Variants in HMCN2 observed in about 807,000 individuals in gnomAD.
HMCN2 encodes hemicentin 2.
In HMCN2, 325 loss-of-function variants were observed where a neutral mutation model predicts 377.5. The observed-to-expected ratio is 0.86, with a 90% confidence interval of 0.79 to 0.94. The LOEUF (loss-of-function observed/expected upper bound fraction) is 0.94. HMCN2 is among the 40% of genes least tolerant of loss of function. The pLI, the probability that HMCN2 is intolerant of heterozygous loss-of-function variation, is 0.00. For synonymous variants in HMCN2, 2,007 were observed against 2,046.8 expected (o/e 0.98, Z 0.53); for missense variants, 4,543 against 4,725.3 (o/e 0.96, Z 1.13).
At chr9:130,352,380 G>A (rs937294700) in intron 30 of HMCN2, among the ~76,000 whole-genome samples, 7 of 152,228 alleles carry the variant, frequency 4.6e-5, no homozygotes, top group South Asian at 2.1e-4. Context: ...GCTAAAAAGC[G>A]GAGAGTAGAA....
rs1005761004 is a variant in HMCN2, at chr9:130,403,317, A to G, written c.12002A>G (p.Asn4001Ser). 1.7e-5 allele frequency: 22 copies of G among 1,289,920 alleles called. No individual in the cohort carries two copies. The highest frequency in any genetic ancestry group is 2.2e-5 in the Non-Finnish European group (22 of 988,898). 79.9% of individuals were successfully genotyped at this position (1,289,920 alleles called of 1,614,324 possible). The part of the protein sequence containing the change: ...PTITWQKEGL[N>S]VATGVSTQVL... The stretch of plus-strand genomic sequence containing the variant: ...ATCACCTGGCAGAAGGAAGGGCTCA[A>G]CGTCGCTACTGGTGAGGGCCCCTGG... Residue 4001 changes from asparagine (N) to serine (S), a missense_variant, in exon 79 of 98, where the codon AAC becomes AGC. Physicochemically the swap from Asn to Ser is conservative, Grantham distance 46. This residue lies in a region of HMCN2 where 1,073 missense variants were observed against 1,319.5 expected (regional missense o/e 0.81). Transcript: ENST00000683500.
At chr9:130,429,310 CGGAACCCA>C in intron 93 of HMCN2, 1 of 550,376 alleles carries the variant, frequency 1.8e-6, no homozygotes, top group African/African-American at 1.9e-5. Context: ...GAGAGCTCAG[CGGAACCCA>C]GGACTCTGCC....
chr9:130,287,457 T>C (rs781841230), intron 4 of HMCN2, among the ~76,000 whole-genome samples: 18 of 148,296 alleles, frequency 1.2e-4, no homozygotes, highest in African/African-American at 1.5e-4. Flanking sequence ...CAATATTAAG[T>C]CTCCTATTGC....
Position 130,429,278 on chromosome 9 carries a change from C to T in HMCN2, c.14198-279C>T. 6.3e-6 allele frequency: 3 copies of T among 474,616 alleles called. No homozygotes were observed. In the South Asian group the frequency reaches 9.3e-5, roughly 15 times the overall value. The allele number at this position is 474,616 out of a possible 1,614,324, so 29.4% of individuals were successfully genotyped here. On this transcript the variant is annotated intron_variant, in intron 93 of 97. Coordinates refer to ENST00000683500, the MANE Select transcript of HMCN2 (RefSeq NM_001291815.2). ...ACTGAGGCTCAGAGAGGGAGAGTTC[C>T]TTGCCCAAGGGCTAGAATATGGAGA...
chr9:130,330,758 G>A (rs1185462081), intron 22 of HMCN2, among the ~76,000 whole-genome samples: 2 of 152,072 alleles, frequency 1.3e-5, no homozygotes, highest in South Asian at 2.1e-4. Flanking sequence ...CTTATATTCC[G>A]TCCTCATCAC....
chr9:130,431,374 CGAGTGCCGCGT>C lies in HMCN2; in HGVS notation c.14659_14669del (p.Cys4887GlufsTer11). 1 of 1,549,612 alleles carries C rather than the reference CGAGTGCCGCGT, an allele frequency of 6.5e-7. No individual in the cohort carries two copies. On this transcript the variant is annotated frameshift_variant, in exon 96 of 98. Transcript: ENST00000683500. LOFTEE classifies it high-confidence loss of function. ...CCCCCATGCCCGGGCCAGACCTTGACGAGTGCCGCGTGAGGAACCTGTGTCAGCACGCCTGC... is the reference window on the plus strand; with the variant it reads ...CCCCCATGCCCGGGCCAGACCTTGACGAGGAACCTGTGTCAGCACGCCTGC...
At position 130,319,685 on chromosome 9, in the gene HMCN2, G is replaced by A. The variant is rs1837746389; in HGVS notation, c.2541G>A (p.Leu847=). 6.6e-6 allele frequency: 1 copy of A among 152,134 alleles called. No individual in the cohort carries two copies. Among genetic ancestry groups the A allele is most frequent in the Non-Finnish European group, 1.5e-5 (1 of 68,074 alleles). The allele number at this position is 152,134 out of a possible 1,614,324, so 9.4% of individuals were successfully genotyped here. A position where few individuals can be genotyped will look rare whatever the true frequency, so the allele number is the denominator to read the frequency against. The change falls in exon 16 of 98, where the codon CTG becomes CTA. Residue 847 remains leucine (L), a synonymous_variant. Transcript: ENST00000683500. ...CTCGGCAGCCGGATTCGGGAGTGCT[G>A]TTCTTTGAAAGTAAGAGATTGGGGC... ...SRSRQPDSGV[L]FFESVAPEDQ...
At chr9:130,269,109 G>T (rs782713073) in intron 1 of HMCN2, among the ~76,000 whole-genome samples, 8 of 148,320 alleles carry the variant, frequency 5.4e-5, no homozygotes, top group Non-Finnish European at 7.6e-5. Flanking sequence ...CCCAAGAGGC[G>T]GGTGCGGGGC....
At chr9:130,370,935 C>T (rs563815693) in intron 45 of HMCN2, 29 bp from the exon 46 acceptor site, 109 of 985,946 alleles carry the variant, frequency 1.1e-4, no homozygotes, top group South Asian at 7.5e-4. Context: ...ATATCTGCAC[C>T]CTGAATGTGG....
intron 87 of HMCN2, among the ~76,000 whole-genome samples, chr9:130,424,345 AT>A (rs33954002): frequency 0.25 from 34,907 of 142,086 alleles, 6,123 homozygotes; most frequent in African/African-American, 0.48. Flanking sequence ...CGCCCGGCTA[AT>A]TTTTTTTTTT....
Position 130,393,193 on chromosome 9 carries a change from C to G in HMCN2, c.10137-19C>G. ...CCCTTTCTCTTGTCTCCTTCTCCCTCTCCTCTCGGGGGATTCAGGATTTCC... is the reference window on the plus strand; with the variant it reads ...CCCTTTCTCTTGTCTCCTTCTCCCTGTCCTCTCGGGGGATTCAGGATTTCC... On this transcript the variant is annotated intron_variant, in intron 66 of 97. Transcript: ENST00000683500. This position sits in a 1 kb window ranked among gnomAD's most constrained non-coding sequence, Gnocchi z 5.2. 1.0e-6 allele frequency: 1 copy of G among 987,678 alleles called. No individual in the cohort carries two copies. The highest frequency in any genetic ancestry group is 1.7e-5 in the African/African-American group (1 of 57,420). 61.2% of individuals were successfully genotyped at this position (987,678 alleles called of 1,614,324 possible). A position where few individuals can be genotyped will look rare whatever the true frequency, so the allele number is the denominator to read the frequency against.
At chr9:130,374,373 TG>T (rs771767293) in intron 48 of HMCN2, 128 bp from the exon 49 acceptor site, 19 of 304,718 alleles carry the variant, frequency 6.2e-5, no homozygotes, top group Non-Finnish European at 9.2e-5. Context: ...TGCTTCTTCT[TG>T]TGCTTCATGG....
chr9:130,266,784 T>TG (rs1834126816), intron 1 of HMCN2, among the ~76,000 whole-genome samples: 1 of 152,210 alleles, frequency 6.6e-6, no homozygotes, highest in Non-Finnish European at 1.5e-5. Flanking sequence ...CCTTCTTCCC[T>TG]GCACGCTGCA....
intron 22 of HMCN2, among the ~76,000 whole-genome samples, chr9:130,334,512 C>T (rs1242503965): frequency 6.6e-6 from 1 of 150,906 alleles, no homozygotes; most frequent in Non-Finnish European, 1.5e-5. Context: ...GATAAGATAC[C>T]CACTTTTATT....
At position 130,379,329 on chromosome 9, in the gene HMCN2, G is replaced by A. The variant is rs1055840808; in HGVS notation, c.8293G>A (p.Val2765Ile). 5.1e-6 allele frequency: 5 copies of A among 985,624 alleles called. No individual in the cohort carries two copies. The East Asian group carries it at 3.4e-4, about 67-fold the overall frequency. 61.1% of individuals were successfully genotyped at this position (985,624 alleles called of 1,614,324 possible). A position where few individuals can be genotyped will look rare whatever the true frequency, so the allele number is the denominator to read the frequency against. Residue 2765 changes from valine (V) to isoleucine (I), a missense_variant, in exon 54 of 98, where the codon GTC becomes ATC. Coordinates refer to ENST00000683500, the MANE Select transcript of HMCN2 (RefSeq NM_001291815.2). ...LSREEEARGG[V>I]TEYREIVENN... ...CCGGGAGGAGGAGGCCCGGGGCGGA[G>A]TCACGGAATACAGGGAGATCGTGGA... is the stretch of plus-strand genomic sequence containing the variant.
At chr9:130,306,058 G>A in intron 11 of HMCN2, 71 bp from the exon 12 acceptor site, 1 of 453,200 alleles carries the variant, frequency 2.2e-6, no homozygotes, top group South Asian at 1.6e-5. Flanking sequence ...GAAGAGCCCG[G>A]GGCGGGGTGC....
At chr9:130,366,874 T>C (rs1327743668) in intron 43 of HMCN2, among the ~76,000 whole-genome samples, 1 of 152,142 alleles carries the variant, frequency 6.6e-6, no homozygotes, top group Non-Finnish European at 1.5e-5. Flanking sequence ...AACACACAGT[T>C]AGTAAATGAC....
At chr9:130,390,895 G>T in intron 62 of HMCN2, 82 bp from the exon 63 acceptor site, 1 of 925,320 alleles carries the variant, frequency 1.1e-6, no homozygotes, top group South Asian at 4.9e-5. Context: ...CATATAAGAA[G>T]GCGCCTCTGC....
chr9:130,284,125 C>T lies in HMCN2; in HGVS notation c.260-478C>T, dbSNP rs148122830. On this transcript the variant is annotated intron_variant, in intron 1 of 97. Coordinates refer to ENST00000683500, the MANE Select transcript of HMCN2 (RefSeq NM_001291815.2). The stretch of plus-strand genomic sequence containing the variant: ...ATTGCTGTTCTTTTTAAAATGAGCT[C>T]ATACATAGATGGGGTTTCTGGAAGG... Among the ~76,000 whole-genome samples the T allele has an allele frequency of 1.4e-3, 215 of 152,338 alleles. 1 individual carries two copies. Among genetic ancestry groups the T allele is most frequent in the Non-Finnish European group, 2.5e-3 (169 of 68,030 alleles).
Sources: allele counts gnomAD v4.1 joint callset (sites outside exome capture counted in the v4.1 genomes callset), GRCh38; gene constraint gnomAD v4.1.1; regional missense constraint gnomAD v4.1.1; non-coding constraint Gnocchi (gnomAD v3.1); transcripts MANE v1.5; gene names NCBI Gene and HGNC (gene_info 2026-07-23, HGNC 2026-07-21).